FAM185A: variants seen among roughly 807,000 people sequenced by gnomAD.
FAM185A encodes protein FAM185A.
In FAM185A, 21 loss-of-function variants were observed where a neutral mutation model predicts 45.7. That is an observed-to-expected ratio of 0.46 (90% CI 0.33 to 0.66). The LOEUF (loss-of-function observed/expected upper bound fraction) is 0.66. Among genes scored for constraint, FAM185A ranks in the 30% least tolerant of loss-of-function variants. FAM185A has a pLI of 0.03. For synonymous variants in FAM185A, 117 were observed against 194.0 expected, an observed-to-expected ratio of 0.60 and a Z score of 3.30; for missense variants, 305 against 485.4, an observed-to-expected ratio of 0.63 and a Z score of 3.49.
rs375146574 is a variant in FAM185A, at chr7:102,787,443, G to A, written c.1040G>A (p.Arg347His). ...EVHVQEMAEV[R>H]KDDVVTVTGL... ...CATGTTCAGGAAATGGCTGAAGTTC[G>A]TAAAGATGATGTTGTAACAGTGACT... Residue 347 changes from arginine to histidine, a missense_variant, in exon 7 of 8, where the codon CGT (arginine) becomes CAT (histidine). This residue lies in a region of FAM185A where 66 missense variants were observed against 74.6 expected (regional missense o/e 0.89). Coordinates refer to ENST00000413034, the MANE Select transcript of FAM185A (RefSeq NM_001145268.2). 22 of 1,534,502 alleles carry A rather than the reference G, an allele frequency of 1.4e-5. No homozygotes were observed. The highest frequency in any genetic ancestry group is 1.7e-4 in the Middle Eastern group (1 of 5,918).
intron 6 of FAM185A, among the ~76,000 whole-genome samples, chr7:102,783,883 A>T (rs1457932318): frequency 6.6e-6 from 1 of 152,220 alleles, no homozygotes; most frequent in African/African-American, 2.4e-5. Context: ...CAAAAAATCA[A>T]TGAATGCAGG....
chr7:102,850,272 A>T, the FAM185A span, among the ~76,000 whole-genome samples: 1 of 152,122 alleles, frequency 6.6e-6, no homozygotes, highest in African/African-American at 2.4e-5. Context: ...AAAAAGAATG[A>T]CAGAAAACAC....
chr7:102,833,464 C>G, the FAM185A span, among the ~76,000 whole-genome samples: 1 of 148,412 alleles, frequency 6.7e-6, no homozygotes, highest in Non-Finnish European at 1.5e-5. Context: ...GAGAGTCTTC[C>G]TCTGTTGCCC....
intron 7 of FAM185A, among the ~76,000 whole-genome samples, chr7:102,807,696 G>A (rs908909522): frequency 5.3e-5 from 8 of 150,382 alleles, no homozygotes; most frequent in African/African-American, 2.0e-4. Context: ...GGTGGATCAC[G>A]AGGTAAGGAG....
chr7:102,824,435 T>C, the FAM185A span, among the ~76,000 whole-genome samples: 3,678 of 152,308 alleles, frequency 0.024, 65 homozygotes, highest in Non-Finnish European at 0.036. Context: ...TCGTTTCTCA[T>C]TCCTATCCCC....
chr7:102,779,810 C>T (rs1795290618), intron 6 of FAM185A: 1 of 146,450 alleles, frequency 6.8e-6, no homozygotes, highest in Non-Finnish European at 1.5e-5. Flanking sequence ...GGTCAGCCTT[C>T]CAGGTAGATG....
the FAM185A span, chr7:102,822,367 A>G: frequency 2.4e-5 from 18 of 742,228 alleles, no homozygotes; most frequent in Non-Finnish European, 3.6e-5. Context: ...CAAGACTGAG[A>G]TAAAGATAGA....
downstream of FAM185A, among the ~76,000 whole-genome samples, chr7:102,810,415 T>G (rs1339650700): frequency 6.6e-6 from 1 of 152,046 alleles, no homozygotes; most frequent in Non-Finnish European, 1.5e-5. Flanking sequence ...GTATTTTTAC[T>G]AGAGATGGGT....
At chr7:102,779,487 C>A (rs181003101) in intron 6 of FAM185A, among the ~76,000 whole-genome samples, 50 of 152,310 alleles carry the variant, frequency 3.3e-4, no homozygotes, top group African/African-American at 1.2e-3. Context: ...AAACTTGATA[C>A]ATTTAGACAT....
At chr7:102,780,791 T>C (rs1795354336) in intron 6 of FAM185A, among the ~76,000 whole-genome samples, 1 of 152,172 alleles carries the variant, frequency 6.6e-6, no homozygotes, top group Non-Finnish European at 1.5e-5. Flanking sequence ...TTCATCTCAC[T>C]GGGGAGTGTC....
At chr7:102,813,351 T>G, downstream of FAM185A, 1 of 1,607,942 alleles carries the variant, frequency 6.2e-7, no homozygotes, top group South Asian at 1.1e-5. Context: ...GTCACGCTGC[T>G]TGGTCTTCAC....
At chr7:102,776,107 C>CACACACACACATATACACACACACAT (rs1795045671) in intron 5 of FAM185A, among the ~76,000 whole-genome samples, 4 of 121,680 alleles carry the variant, frequency 3.3e-5, no homozygotes, top group African/African-American at 1.6e-4. Flanking sequence ...TATACACACA[C>CACACACACACATATACACACACACAT]ACACACACAA....
At chr7:102,818,226 TG>T in the FAM185A span, among the ~76,000 whole-genome samples, 1 of 152,232 alleles carries the variant, frequency 6.6e-6, no homozygotes, top group Non-Finnish European at 1.5e-5. Context: ...CTACCCTTAC[TG>T]ACCACATCCC....
At chr7:102,807,456 A>C (rs1381221560) in intron 7 of FAM185A, among the ~76,000 whole-genome samples, 2 of 152,186 alleles carry the variant, frequency 1.3e-5, no homozygotes, top group Admixed American at 6.5e-5. Flanking sequence ...AATGCTCCAA[A>C]ATATGAAACA....
At chr7:102,822,782 T>A in the FAM185A span, among the ~76,000 whole-genome samples, 1 of 152,162 alleles carries the variant, frequency 6.6e-6, no homozygotes, top group Non-Finnish European at 1.5e-5. Context: ...CAATAGAAAT[T>A]ATGATCTTAG....
At chr7:102,843,098 G>A in the FAM185A span, among the ~76,000 whole-genome samples, 1 of 152,214 alleles carries the variant, frequency 6.6e-6, no homozygotes, top group African/African-American at 2.4e-5. Flanking sequence ...TATAATCTAA[G>A]AGAATGTATC....
At chr7:102,799,676 G>A (rs946340837) in intron 7 of FAM185A, among the ~76,000 whole-genome samples, 10 of 152,184 alleles carry the variant, frequency 6.6e-5, no homozygotes, top group African/African-American at 1.4e-4. Context: ...CTCGCCCAGC[G>A]TAATAAGACT....
intron 7 of FAM185A, among the ~76,000 whole-genome samples, chr7:102,803,897 C>CA: frequency 6.6e-6 from 1 of 152,064 alleles, no homozygotes; most frequent in Non-Finnish European, 1.5e-5. Context: ...AGCAACCAAG[C>CA]AGAGAATCAA....
At chr7:102,828,542 A>G in the FAM185A span, among the ~76,000 whole-genome samples, 1 of 152,346 alleles carries the variant, frequency 6.6e-6, no homozygotes, top group South Asian at 2.1e-4. Flanking sequence ...CCTTTACATT[A>G]TAAGTCTGTA....
Sources: allele counts gnomAD v4.1 joint callset (sites outside exome capture counted in the v4.1 genomes callset), GRCh38; gene constraint gnomAD v4.1.1; regional missense constraint gnomAD v4.1.1; transcripts MANE v1.5; gene names NCBI Gene and HGNC (gene_info 2026-07-23, HGNC 2026-07-21).